Variants in CUX2 observed in about 807,000 individuals in gnomAD.
CUX2 encodes the protein cut like homeobox 2.
A neutral mutation model predicts 144.8 loss-of-function variants in CUX2; 40 were observed. The ratio of observed to expected loss-of-function variants is 0.28; its 90% CI spans 0.21 to 0.36. The LOEUF is 0.36. Ranked by LOEUF, CUX2 falls within the 10% of genes least tolerant of loss-of-function variation. The pLI is 1.00. For missense variants in CUX2, 1,615 were observed against 1,994.0 expected, an observed-to-expected ratio of 0.81 and a Z score of 3.62; for synonymous variants, 827 against 875.6, an observed-to-expected ratio of 0.94 and a Z score of 0.98.
chr12:111,303,670 ACCCAGGGAGAGGAAGTGACTTG>A (rs1886429489), intron 9 of CUX2, among the ~76,000 whole-genome samples: 1 of 151,460 alleles, frequency 6.6e-6, no homozygotes, highest in Admixed American at 6.6e-5. Flanking sequence ...AGAAACTGAG[ACCCAGGGAGAGGAAGTGACTTG>A]CCCAGGGGCT....
At chr12:111,341,559 G>T (rs573247711) in intron 20 of CUX2, among the ~76,000 whole-genome samples, 1 of 152,102 alleles carries the variant, frequency 6.6e-6, no homozygotes. Flanking sequence ...GCTCCCGGGC[G>T]GGCGAGGTTA....
At chr12:111,291,867 T>C (rs987804491) in intron 5 of CUX2, among the ~76,000 whole-genome samples, 1 of 152,044 alleles carries the variant, frequency 6.6e-6, no homozygotes, top group Non-Finnish European at 1.5e-5. Context: ...CCACCCTCCA[T>C]GGCCAGCCCC....
chr12:111,274,964 C>A (rs185394298), intron 4 of CUX2, among the ~76,000 whole-genome samples: 68 of 144,458 alleles, frequency 4.7e-4, no homozygotes, highest in Admixed American at 4.1e-4. Flanking sequence ...AAAAAAAAAA[C>A]AAAAAAACAA....
chr12:111,079,760 T>C (rs1311208971), intron 1 of CUX2, among the ~76,000 whole-genome samples: 1 of 152,198 alleles, frequency 6.6e-6, no homozygotes, highest in Non-Finnish European at 1.5e-5. Flanking sequence ...TACACCTGTG[T>C]GCATGTGTGT....
chr12:111,239,074 T>G (rs1364595016), intron 3 of CUX2, among the ~76,000 whole-genome samples: 1 of 151,928 alleles, frequency 6.6e-6, no homozygotes, highest in Admixed American at 6.6e-5. Flanking sequence ...ATGGCTCAAT[T>G]TACAGGTGCA....
intron 1 of CUX2, among the ~76,000 whole-genome samples, chr12:111,053,038 A>C (rs77458196): frequency 0.039 from 5,996 of 151,998 alleles, 409 homozygotes; most frequent in African/African-American, 0.14. Flanking sequence ...AAGCAGGGTT[A>C]TTGCCGAACA....
intron 21 of CUX2, among the ~76,000 whole-genome samples, chr12:111,343,892 C>G (rs1434421467): frequency 6.6e-6 from 1 of 152,134 alleles, no homozygotes; most frequent in Non-Finnish European, 1.5e-5. Flanking sequence ...GAAACCCCAT[C>G]TCTACTAAAA....
chr12:111,299,546 G>A (rs1886181253), intron 9 of CUX2, among the ~76,000 whole-genome samples: 1 of 152,148 alleles, frequency 6.6e-6, no homozygotes, highest in Admixed American at 6.5e-5. Flanking sequence ...TATAGAAGCA[G>A]TGTCCCCTAG....
chr12:111,131,696 C>T (rs566982905), intron 1 of CUX2, among the ~76,000 whole-genome samples: 5 of 152,288 alleles, frequency 3.3e-5, no homozygotes, highest in South Asian at 2.1e-4. Context: ...CATGCAAGTC[C>T]GAAATCCAGT....
At chr12:111,096,978 A>T (rs1357521490) in intron 1 of CUX2, among the ~76,000 whole-genome samples, 1 of 149,828 alleles carries the variant, frequency 6.7e-6, no homozygotes, top group African/African-American at 2.4e-5. Context: ...CTCCATCAAG[A>T]AAAAAAAAAG....
At chr12:111,185,960 T>A (rs1372061898) in intron 1 of CUX2, among the ~76,000 whole-genome samples, 1 of 151,600 alleles carries the variant, frequency 6.6e-6, no homozygotes, top group Non-Finnish European at 1.5e-5. Flanking sequence ...TGTGCCTGTC[T>A]CTCTCTCCCC....
At position 111,034,241 on chromosome 12, in the gene CUX2, G is replaced by A; in HGVS notation, c.63+1G>A. The stretch of plus-strand genomic sequence containing the variant: ...GCGATTTGATCTACGGCGACTCCAG[G>A]TTAGTGCGGGCAGCGCCGGCCGCGC... On this transcript the variant is annotated splice_donor_variant, in intron 1 of 21. Coordinates refer to ENST00000261726, the MANE Select transcript of CUX2 (RefSeq NM_015267.4). LOFTEE classifies it high-confidence loss of function. This position sits in a 1 kb window ranked among gnomAD's most constrained non-coding sequence, Gnocchi z 4.2. 7.2e-7 allele frequency: 1 copy of A among 1,384,050 alleles called. No homozygotes were observed. Among genetic ancestry groups the A allele is most frequent in the Non-Finnish European group, 9.6e-7 (1 of 1,038,982 alleles). 85.7% of individuals were successfully genotyped at this position (1,384,050 alleles called of 1,614,324 possible).
At chr12:111,177,046 C>T (rs1173557241) in intron 1 of CUX2, among the ~76,000 whole-genome samples, 1 of 152,104 alleles carries the variant, frequency 6.6e-6, no homozygotes, top group Non-Finnish European at 1.5e-5. Context: ...GCCAAATGTC[C>T]CCCAGAGGAC....
At chr12:111,329,900 G>C (rs749334695) in intron 18 of CUX2, among the ~76,000 whole-genome samples, 5 of 152,200 alleles carry the variant, frequency 3.3e-5, no homozygotes, top group Non-Finnish European at 5.9e-5. Context: ...GCCTTCCAAA[G>C]TGCAGGGATT....
chr12:111,308,613 CT>C, intron 14 of CUX2, 87 bp downstream of exon 14: 2 of 1,124,294 alleles, frequency 1.8e-6, no homozygotes, highest in Non-Finnish European at 2.6e-6. Context: ...GGACCACTGC[CT>C]TCCATGCAGG....
At chr12:111,111,062 G>A (rs1402535229) in intron 1 of CUX2, among the ~76,000 whole-genome samples, 1 of 152,196 alleles carries the variant, frequency 6.6e-6, no homozygotes, top group African/African-American at 2.4e-5. Context: ...AGCACTTTGG[G>A]AGGCCGAGGT....
intron 1 of CUX2, among the ~76,000 whole-genome samples, chr12:111,078,781 T>A (rs771662445): frequency 6.6e-6 from 1 of 152,022 alleles, no homozygotes; most frequent in African/African-American, 2.4e-5. Context: ...ATGGAAAAGG[T>A]CACTCAGAGG....
At chr12:111,243,076 G>T (rs1055863725) in intron 3 of CUX2, among the ~76,000 whole-genome samples, 14 of 152,140 alleles carry the variant, frequency 9.2e-5, no homozygotes, top group African/African-American at 3.1e-4. Flanking sequence ...GTGTATATGT[G>T]CCACATTTTC....
intron 1 of CUX2, among the ~76,000 whole-genome samples, chr12:111,074,051 A>AT (rs1320772438): frequency 2.0e-5 from 3 of 151,154 alleles, no homozygotes; most frequent in Non-Finnish European, 4.4e-5. Flanking sequence ...TAAAAAAAAA[A>AT]ATCATACATT....
Sources: allele counts gnomAD v4.1 joint callset (sites outside exome capture counted in the v4.1 genomes callset), GRCh38; gene constraint gnomAD v4.1.1; non-coding constraint Gnocchi (gnomAD v3.1); transcripts MANE v1.5; gene names NCBI Gene and HGNC (gene_info 2026-07-23, HGNC 2026-07-21).